TMCC1: variants seen among roughly 807,000 people sequenced by gnomAD.
The protein encoded by TMCC1 is transmembrane and coiled-coil domains protein 1.
A neutral mutation model predicts 52.4 loss-of-function variants in TMCC1; 15 were observed. The observed-to-expected ratio is 0.29, with a 90% CI of 0.19 to 0.44. The LOEUF is 0.44. TMCC1 is among the 20% of genes least tolerant of loss of function. The pLI is 1.00. For synonymous variants in TMCC1, 279 were observed against 301.9 expected, an observed-to-expected ratio of 0.92 and a Z score of 0.79; for missense variants, 503 against 806.0, an observed-to-expected ratio of 0.62 and a Z score of 4.55.
chr3:129,663,532 C>T (rs1049438444), intron 5 of TMCC1, among the ~76,000 whole-genome samples: 5 of 152,136 alleles, frequency 3.3e-5, no homozygotes, highest in African/African-American at 1.2e-4. Context: ...TTTTTTTCTC[C>T]TTACCTTTTG....
chr3:129,774,764 C>G (rs904887281), intron 4 of TMCC1, among the ~76,000 whole-genome samples: 1 of 152,146 alleles, frequency 6.6e-6, no homozygotes, highest in African/African-American at 2.4e-5. Flanking sequence ...GAGTGTAAAA[C>G]AGCTAGACTA....
chr3:129,759,656 C>T (rs2053333342), intron 4 of TMCC1, among the ~76,000 whole-genome samples: 1 of 150,070 alleles, frequency 6.7e-6, no homozygotes, highest in Non-Finnish European at 1.5e-5. Flanking sequence ...ATCCTCCTGC[C>T]TCAGCCTCCC....
At chr3:129,721,733 G>A (rs2049612895) in intron 4 of TMCC1, among the ~76,000 whole-genome samples, 1 of 150,346 alleles carries the variant, frequency 6.7e-6, no homozygotes. Flanking sequence ...AAAATTAGCT[G>A]GGCGTGGTGG....
At chr3:129,887,043 G>C (rs1428068657) in intron 1 of TMCC1, among the ~76,000 whole-genome samples, 1 of 152,128 alleles carries the variant, frequency 6.6e-6, no homozygotes, top group East Asian at 1.9e-4. Context: ...ATCAGACTGT[G>C]GTTGCCAGGG....
At chr3:129,710,112 G>A (rs2048557077) in intron 4 of TMCC1, among the ~76,000 whole-genome samples, 1 of 152,126 alleles carries the variant, frequency 6.6e-6, no homozygotes. Flanking sequence ...CTTGAACCCG[G>A]GAGGTGGAGG....
At chr3:129,856,211 G>A (rs374520568) in intron 2 of TMCC1, among the ~76,000 whole-genome samples, 2 of 152,182 alleles carry the variant, frequency 1.3e-5, no homozygotes, top group African/African-American at 4.8e-5. Context: ...TTTAAGTAGC[G>A]TGTGGCACTT....
chr3:129,701,158 T>C (rs535521638), intron 4 of TMCC1, among the ~76,000 whole-genome samples: 1 of 152,354 alleles, frequency 6.6e-6, no homozygotes, highest in South Asian at 2.1e-4. Context: ...TGAATAAGTT[T>C]TTCCGAAAGT....
At chr3:129,765,954 T>C (rs1702194226) in intron 4 of TMCC1, among the ~76,000 whole-genome samples, 5 of 152,110 alleles carry the variant, frequency 3.3e-5, no homozygotes, top group Admixed American at 3.3e-4. Context: ...ACATACAATA[T>C]TTTGGGAGAA....
intron 2 of TMCC1, among the ~76,000 whole-genome samples, chr3:129,854,290 G>A (rs993445645): frequency 6.6e-6 from 1 of 151,598 alleles, no homozygotes; most frequent in African/African-American, 2.4e-5. Flanking sequence ...TACTTAGGAG[G>A]CTAAGACAGC....
chr3:129,756,875 G>A (rs1028794742), intron 4 of TMCC1, among the ~76,000 whole-genome samples: 6 of 152,208 alleles, frequency 3.9e-5, no homozygotes, highest in Admixed American at 6.5e-5. Flanking sequence ...GAAGCAAAGC[G>A]AAATTTTTAG....
At position 129,701,311 on chromosome 3, in the gene TMCC1, A is replaced by G. The variant is rs147065381; in HGVS notation, c.577-30047T>C. 1.9e-3 allele frequency among the ~76,000 whole-genome samples: 293 copies of G among 152,366 alleles called. 1 individual carries two copies. Among genetic ancestry groups the G allele is most frequent in the Non-Finnish European group, 3.3e-3 (223 of 68,042 alleles). ...AATGTGGCAAATCAGTTGGCTGTGC[A>G]TTACTCAAGAAGTCTCTTCTGTTCT... On this transcript the variant is annotated intron_variant, in intron 4 of 6. Transcript: ENST00000393238.
intron 4 of TMCC1, among the ~76,000 whole-genome samples, chr3:129,682,013 T>C (rs971009494): frequency 5.8e-4 from 88 of 152,120 alleles, no homozygotes; most frequent in African/African-American, 2.1e-3. Context: ...AGAGGTTCCA[T>C]GCACATATAA....
At chr3:129,833,389 T>C (rs2059009212) in intron 2 of TMCC1, among the ~76,000 whole-genome samples, 1 of 152,050 alleles carries the variant, frequency 6.6e-6, no homozygotes, top group Non-Finnish European at 1.5e-5. Context: ...TGGGCAACAG[T>C]GACACCCCAT....
At chr3:129,721,704 CA>C (rs765601986) in intron 4 of TMCC1, among the ~76,000 whole-genome samples, 15,466 of 76,182 alleles carry the variant, frequency 0.2, 906 homozygotes, top group African/African-American at 0.26. Context: ...ACTAAAAATA[CA>C]AAAAAAAAAA....
intron 4 of TMCC1, among the ~76,000 whole-genome samples, chr3:129,798,871 T>C (rs1422447980): frequency 6.6e-6 from 1 of 152,222 alleles, no homozygotes; most frequent in Non-Finnish European, 1.5e-5. Flanking sequence ...TAGTCAACAA[T>C]GCTGCCAGTT....
intron 4 of TMCC1, among the ~76,000 whole-genome samples, chr3:129,728,177 T>C (rs148265868): frequency 5.7e-4 from 87 of 152,352 alleles, no homozygotes; most frequent in African/African-American, 2.1e-3. Flanking sequence ...TAAACAGGTT[T>C]AACCTAAAGC....
At chr3:129,720,292 C>G (rs2049466646) in intron 4 of TMCC1, among the ~76,000 whole-genome samples, 1 of 151,158 alleles carries the variant, frequency 6.6e-6, no homozygotes, top group Non-Finnish European at 1.5e-5. Context: ...GTGACATGAA[C>G]AGTGAAATGT....
chr3:129,783,775 C>A (rs1202562742), intron 4 of TMCC1, among the ~76,000 whole-genome samples: 2 of 152,144 alleles, frequency 1.3e-5, no homozygotes, highest in African/African-American at 4.8e-5. Context: ...ATTAAATGGT[C>A]TGTCTAAAAT....
rs565401509 is a variant in TMCC1, at chr3:129,813,624, C to T, written c.576+14179G>A. ...AGTATGGACACAAAGAAGGGAACAA[C>T]AGACACCAGGGCCTACTTGAGGGTG... On this transcript the variant is annotated intron_variant, in intron 4 of 6. Transcript: ENST00000393238. Among the ~76,000 whole-genome samples, 9 of 152,122 alleles carry T rather than the reference C, an allele frequency of 5.9e-5. No homozygotes were observed. In the East Asian group the frequency reaches 9.7e-4, roughly 16 times the overall value.
Sources: gnomAD v4.1 joint callset for allele counts (sites outside exome capture counted in the v4.1 genomes callset) on GRCh38, gnomAD v4.1.1 for gene constraint, MANE v1.5 for transcripts, NCBI Gene and HGNC (gene_info 2026-07-23, HGNC 2026-07-21) for gene names.